CRADD: variants seen among roughly 807,000 people sequenced by gnomAD.
CRADD encodes CARD and death domain containing adaptor protein, also known as death domain-containing protein CRADD.
In CRADD, 9 loss-of-function variants were observed where a neutral mutation model predicts 15.5. The observed-to-expected ratio is 0.58, with a 90% confidence interval of 0.35 to 1.01. CRADD has a LOEUF of 1.01. Among genes scored for constraint, CRADD ranks in the 50% least tolerant of loss-of-function variants. CRADD has a pLI of 0.02. For synonymous variants in CRADD, 118 were observed against 107.6 expected (o/e 1.10, Z -0.60); for missense variants, 227 against 250.3 (o/e 0.91, Z 0.63).
chr12:93,814,391 A>G (rs1593012486), intron 2 of CRADD, among the ~76,000 whole-genome samples: 1 of 152,284 alleles, frequency 6.6e-6, no homozygotes, highest in East Asian at 1.9e-4. Context: ...AGTAAAGTTC[A>G]TGTTCCCCCC....
intron 2 of CRADD, among the ~76,000 whole-genome samples, chr12:93,693,552 A>G (rs12810621): frequency 0.42 from 63,260 of 151,768 alleles, 14,025 homozygotes; most frequent in African/African-American, 0.57. Flanking sequence ...TATAATAGCC[A>G]TAAATATATA....
chr12:93,693,560 A>G (rs528520340), intron 2 of CRADD, among the ~76,000 whole-genome samples: 4 of 152,200 alleles, frequency 2.6e-5, no homozygotes, highest in Admixed American at 6.5e-5. Flanking sequence ...CCATAAATAT[A>G]TATGCACCAA....
Position 93,769,086 on chromosome 12 carries a change from A to T in CRADD, c.299-80884A>T, listed in dbSNP as rs867546949. ...GTTGTTTTTGTTATATACTTTATTT[A>T]TTTTTTTTTTTGGAGACAGGGTCTT... On this transcript the variant is annotated intron_variant, in intron 2 of 2. Transcript: ENST00000332896. 8.8e-3 allele frequency among the ~76,000 whole-genome samples: 1,285 copies of T among 146,388 alleles called. 19 individuals carry two copies. The highest frequency in any genetic ancestry group is 0.03 in the African/African-American group (1,224 of 40,144).
intron 2 of CRADD, among the ~76,000 whole-genome samples, chr12:93,806,929 T>C (rs1341039138): frequency 1.3e-5 from 2 of 152,304 alleles, no homozygotes; most frequent in Middle Eastern, 3.4e-3. Context: ...ACATCACTTA[T>C]ATGTACTACT....
intron 2 of CRADD, among the ~76,000 whole-genome samples, chr12:93,880,549 T>A (rs964103748): frequency 6.6e-6 from 1 of 152,198 alleles, no homozygotes; most frequent in African/African-American, 2.4e-5. Context: ...ACATTTTTCA[T>A]GATCCCCTAA....
At chr12:93,759,126 A>G (rs944968513) in intron 2 of CRADD, among the ~76,000 whole-genome samples, 5 of 152,218 alleles carry the variant, frequency 3.3e-5, no homozygotes, top group Admixed American at 2.6e-4. Context: ...AGAGAAGTGT[A>G]TTGTGTTACA....
chr12:93,807,575 G>T (rs1217865189), intron 2 of CRADD, among the ~76,000 whole-genome samples: 1 of 152,110 alleles, frequency 6.6e-6, no homozygotes, highest in Non-Finnish European at 1.5e-5. Context: ...TCAAGACAAA[G>T]TTCCACGTTT....
downstream of CRADD, among the ~76,000 whole-genome samples, chr12:93,855,615 A>G (rs6538457): frequency 0.27 from 41,204 of 151,834 alleles, 5,716 homozygotes; most frequent in East Asian, 0.45. Context: ...ATAACACTGT[A>G]TCTAAGGCTC....
intron 2 of CRADD, among the ~76,000 whole-genome samples, chr12:93,742,390 C>T (rs1240546790): frequency 2.6e-5 from 4 of 151,008 alleles, no homozygotes; most frequent in Admixed American, 2.0e-4. Flanking sequence ...CGGGCACCCG[C>T]GGGCCGCGCA....
chr12:93,857,917 T>G (rs922753641), intron 2 of CRADD, among the ~76,000 whole-genome samples: 2 of 152,228 alleles, frequency 1.3e-5, no homozygotes, highest in Non-Finnish European at 2.9e-5. Flanking sequence ...TTATATAAAG[T>G]GACATTTATT....
intron 2 of CRADD, among the ~76,000 whole-genome samples, chr12:93,774,501 A>G (rs1213298774): frequency 1.3e-5 from 2 of 152,164 alleles, no homozygotes; most frequent in Non-Finnish European, 2.9e-5. Context: ...TATTTAAAAT[A>G]TCATTGTTTT....
chr12:93,681,461 C>A (rs1012162116), intron 2 of CRADD, among the ~76,000 whole-genome samples: 1 of 151,820 alleles, frequency 6.6e-6, no homozygotes, highest in Non-Finnish European at 1.5e-5. Context: ...AGTAACACTG[C>A]TATTGAAAAA....
At chr12:93,686,304 C>CAAAAAAAAAAAA (rs59096792) in intron 2 of CRADD, among the ~76,000 whole-genome samples, 13 of 65,974 alleles carry the variant, frequency 2.0e-4, no homozygotes, top group East Asian at 4.9e-4. Flanking sequence ...CCATCCCCCC[C>CAAAAAAAAAAAA]AAAAAAAAAA....
intron 2 of CRADD, among the ~76,000 whole-genome samples, chr12:93,711,055 C>CCT: frequency 9.2e-5 from 4 of 43,504 alleles, no homozygotes; most frequent in South Asian, 1.3e-3. Flanking sequence ...CCACCCCCGC[C>CCT]TTTTTTTTTT....
At chr12:93,791,420 A>G (rs1957348143) in intron 2 of CRADD, among the ~76,000 whole-genome samples, 1 of 152,206 alleles carries the variant, frequency 6.6e-6, no homozygotes, top group South Asian at 2.1e-4. Context: ...AAATAAGCCA[A>G]TAACAGAAGG....
chr12:93,771,881 CTTAT>C (rs1239328837), intron 2 of CRADD, among the ~76,000 whole-genome samples: 1 of 152,166 alleles, frequency 6.6e-6, no homozygotes, highest in Non-Finnish European at 1.5e-5. Flanking sequence ...TGCACTTATA[CTTAT>C]TTATCTTCCA....
chr12:93,824,211 G>A lies in CRADD; in HGVS notation c.299-25759G>A, dbSNP rs1211156240. ...TCTAGGCTGCTGTAGGACACACCCC[G>A]GTCTCATTTTCAGTGTCTCAGCATA... On this transcript the variant is annotated intron_variant, in intron 2 of 2. Coordinates refer to ENST00000332896, the MANE Select transcript of CRADD (RefSeq NM_003805.5). The surrounding 1 kb of genome is among the most constrained non-coding windows in gnomAD (Gnocchi z 4.3). 6.6e-6 allele frequency among the ~76,000 whole-genome samples: 1 copy of A among 152,138 alleles called. No homozygotes were observed. The highest frequency in any genetic ancestry group is 1.5e-5 in the Non-Finnish European group (1 of 68,028).
chr12:93,787,875 A>C (rs1158310794), intron 2 of CRADD, among the ~76,000 whole-genome samples: 1 of 152,206 alleles, frequency 6.6e-6, no homozygotes, highest in African/African-American at 2.4e-5. Context: ...TGAGGCCATG[A>C]GCATGCTTCA....
intron 2 of CRADD, among the ~76,000 whole-genome samples, chr12:93,705,654 C>T (rs947582725): frequency 6.6e-6 from 1 of 152,174 alleles, no homozygotes; most frequent in African/African-American, 2.4e-5. Flanking sequence ...AAAGGCCTTC[C>T]TCTTCTTTGG....
Sources: allele counts gnomAD v4.1 joint callset (sites outside exome capture counted in the v4.1 genomes callset), GRCh38; gene constraint gnomAD v4.1.1; non-coding constraint Gnocchi (gnomAD v3.1); transcripts MANE v1.5; gene names NCBI Gene and HGNC (gene_info 2026-07-23, HGNC 2026-07-21).